MAML3: variants seen among roughly 807,000 people sequenced by gnomAD.
The protein encoded by MAML3 is mastermind like transcriptional coactivator 3.
MAML3 carries 27 observed loss-of-function variants against 101.9 expected under a neutral mutation model. The ratio of observed to expected loss-of-function variants is 0.27; its 90% CI spans 0.20 to 0.37. The LOEUF (loss-of-function observed/expected upper bound fraction) is 0.37. Ranked by LOEUF, MAML3 falls within the 10% of genes least tolerant of loss-of-function variation. MAML3 has a pLI of 1.00. For missense variants in MAML3, 1,316 were observed against 1,444.9 expected (o/e 0.91, Z 1.45); for synonymous variants, 501 against 555.9 (o/e 0.90, Z 1.39).
At chr4:139,800,283 T>G (rs965198153) in intron 2 of MAML3, among the ~76,000 whole-genome samples, 2 of 152,198 alleles carry the variant, frequency 1.3e-5, no homozygotes, top group Non-Finnish European at 2.9e-5. Context: ...CTAGATTGTT[T>G]AATGATTACC....
chr4:139,829,093 G>A (rs558405399), intron 2 of MAML3, among the ~76,000 whole-genome samples: 1 of 148,252 alleles, frequency 6.7e-6, no homozygotes, highest in African/African-American at 2.5e-5. Context: ...AGGAAGGAAG[G>A]GGAAAAGGAA....
At chr4:139,933,360 C>T (rs1733440523) in intron 1 of MAML3, among the ~76,000 whole-genome samples, 1 of 152,170 alleles carries the variant, frequency 6.6e-6, no homozygotes, top group South Asian at 2.1e-4. Context: ...AACTGGGGCG[C>T]TGTTGTTCCT....
chr4:139,863,832 G>GTTTTTTTTTTTTTTT lies in MAML3; in HGVS notation c.2079+25510_2079+25524dup, dbSNP rs58270046. Among the ~76,000 whole-genome samples the GTTTTTTTTTTTTTTT allele has an allele frequency of 3.9e-4, 43 of 111,282 alleles. 3 individuals carry two copies. Among genetic ancestry groups the GTTTTTTTTTTTTTTT allele is most frequent in the South Asian group, 1.9e-3 (5 of 2,614 alleles). 73.0% of individuals were successfully genotyped at this position (111,282 alleles called of 152,430 possible). The stretch of plus-strand genomic sequence containing the variant: ...TTTCTGTGGTAATACCAGAACATGG[G>GTTTTTTTTTTTTTTT]TTTTTTTTTTTTTTTTTTTTTTTTG... On this transcript the variant is annotated intron_variant, in intron 2 of 4. Transcript: ENST00000509479.
intron 2 of MAML3, among the ~76,000 whole-genome samples, chr4:139,850,909 A>C (rs946415805): frequency 6.6e-6 from 1 of 151,880 alleles, no homozygotes; most frequent in Admixed American, 6.6e-5. Context: ...AGATTAAAAA[A>C]AAAAAAAGAG....
At chr4:139,964,811 G>A (rs1053572709) in intron 1 of MAML3, among the ~76,000 whole-genome samples, 1 of 151,924 alleles carries the variant, frequency 6.6e-6, no homozygotes, top group Non-Finnish European at 1.5e-5. Flanking sequence ...AACTCAATTA[G>A]GCTTTAAATC....
intron 1 of MAML3, among the ~76,000 whole-genome samples, chr4:140,002,763 G>A (rs1025372824): frequency 2.6e-5 from 4 of 152,190 alleles, no homozygotes; most frequent in African/African-American, 7.2e-5. Flanking sequence ...ATAGTGGCAA[G>A]TACCGCTTGA....
At chr4:139,912,666 C>A (rs1245562293) in intron 1 of MAML3, among the ~76,000 whole-genome samples, 1 of 152,236 alleles carries the variant, frequency 6.6e-6, no homozygotes, top group Non-Finnish European at 1.5e-5. Flanking sequence ...CATGTGAAAA[C>A]ACGAAGACAT....
At chr4:139,992,749 G>C (rs1350532820) in intron 1 of MAML3, among the ~76,000 whole-genome samples, 1 of 152,024 alleles carries the variant, frequency 6.6e-6, no homozygotes, top group African/African-American at 2.4e-5. Flanking sequence ...AGTAGAGACG[G>C]GGTTTCACCA....
At chr4:140,040,013 A>G (rs3856985) in intron 1 of MAML3, among the ~76,000 whole-genome samples, 139,063 of 152,216 alleles carry the variant, frequency 0.91, 64,699 homozygotes, top group Non-Finnish European at 1. Flanking sequence ...AAGACATGAG[A>G]GGACAGACCA....
chr4:140,018,188 C>T (rs116252225), intron 1 of MAML3, among the ~76,000 whole-genome samples: 2,522 of 152,226 alleles, frequency 0.017, 66 homozygotes, highest in South Asian at 0.074. Flanking sequence ...CCTCTGGGTG[C>T]TCCCCTTTTC....
At chr4:139,722,437 A>G (rs571317205) in intron 4 of MAML3, among the ~76,000 whole-genome samples, 17 of 152,230 alleles carry the variant, frequency 1.1e-4, no homozygotes, top group African/African-American at 3.9e-4. Flanking sequence ...TGATTACTAC[A>G]TGTGTTAAAC....
Position 140,153,353 on chromosome 4 carries a change from G to A in MAML3, c.-26C>T. On this transcript the variant is annotated 5_prime_UTR_variant, in exon 1 of 5. Coordinates refer to ENST00000509479, the MANE Select transcript of MAML3 (RefSeq NM_018717.5). The stretch of plus-strand genomic sequence containing the variant: ...CCTGCTCCCCGGGCACACTATTTTG[G>A]AAGAACTTTTTTTATCCACCCCCCT... 8 of 1,541,544 alleles carry A rather than the reference G, an allele frequency of 5.2e-6. No individual in the cohort carries two copies. Among genetic ancestry groups the A allele is most frequent in the South Asian group, 1.3e-5 (1 of 79,186 alleles).
intron 1 of MAML3, among the ~76,000 whole-genome samples, chr4:139,941,941 CT>C (rs1289968233): frequency 1.3e-5 from 2 of 152,084 alleles, no homozygotes; most frequent in African/African-American, 4.8e-5. Context: ...CAAGACCAGC[CT>C]GGGCAACATG....
chr4:140,012,851 G>A (rs568003918), intron 1 of MAML3, among the ~76,000 whole-genome samples: 4 of 152,206 alleles, frequency 2.6e-5, no homozygotes, highest in South Asian at 2.1e-4. Context: ...ATACAGCGCC[G>A]GTTAACTCAG....
At chr4:140,133,280 C>T (rs1159308089) in intron 1 of MAML3, among the ~76,000 whole-genome samples, 2 of 152,126 alleles carry the variant, frequency 1.3e-5, no homozygotes, top group African/African-American at 2.4e-5. Flanking sequence ...AAATTTGTAC[C>T]ATTACCCAAA....
intron 2 of MAML3, among the ~76,000 whole-genome samples, chr4:139,859,757 T>C (rs1731733383): frequency 6.6e-6 from 1 of 152,232 alleles, no homozygotes; most frequent in Non-Finnish European, 1.5e-5. Context: ...GGAGGTTAAT[T>C]ACCTTGCTTG....
chr4:139,798,528 C>G (rs1730555860), intron 2 of MAML3, among the ~76,000 whole-genome samples: 1 of 152,224 alleles, frequency 6.6e-6, no homozygotes, highest in South Asian at 2.1e-4. Flanking sequence ...ACTGTATTGT[C>G]AAGTGCAACA....
intron 2 of MAML3, among the ~76,000 whole-genome samples, chr4:139,868,897 A>G (rs971635252): frequency 6.6e-6 from 1 of 152,204 alleles, no homozygotes; most frequent in Non-Finnish European, 1.5e-5. Context: ...TCCTTACAGT[A>G]AAAGCTCACA....
At chr4:139,967,603 C>G (rs1734160157) in intron 1 of MAML3, among the ~76,000 whole-genome samples, 1 of 151,714 alleles carries the variant, frequency 6.6e-6, no homozygotes, top group Non-Finnish European at 1.5e-5. Flanking sequence ...TGTGCCTCTC[C>G]TGCCAGGCCT....
Sources: allele counts gnomAD v4.1 joint callset (sites outside exome capture counted in the v4.1 genomes callset), GRCh38; gene constraint gnomAD v4.1.1; transcripts MANE v1.5; gene names NCBI Gene and HGNC (gene_info 2026-07-23, HGNC 2026-07-21).